AASDH: variants seen among roughly 807,000 people sequenced by gnomAD.
The protein encoded by AASDH is aminoadipate-semialdehyde dehydrogenase, also known as beta-alanine-activating enzyme.
Under a neutral mutation model 102.3 loss-of-function variants are expected in AASDH, and 81 were observed. That is an observed-to-expected ratio of 0.79 (90% confidence interval 0.66 to 0.95). The LOEUF is 0.95. AASDH is among the 40% of genes least tolerant of loss of function. The pLI, the probability that AASDH is intolerant of heterozygous loss-of-function variation, is 0.00. For synonymous variants in AASDH, 398 were observed against 454.0 expected, an observed-to-expected ratio of 0.88 and a Z score of 1.57; for missense variants, 1,203 against 1,266.2, an observed-to-expected ratio of 0.95 and a Z score of 0.76.
intron 1 of AASDH, among the ~76,000 whole-genome samples, chr4:56,385,090 T>C (rs1292549446): frequency 2.0e-5 from 3 of 152,002 alleles, no homozygotes; most frequent in Non-Finnish European, 4.4e-5. Flanking sequence ...AATAAGTAAA[T>C]GAAATAAAGA....
At chr4:56,384,703 T>C (rs1183880234) in intron 1 of AASDH, among the ~76,000 whole-genome samples, 2 of 127,298 alleles carry the variant, frequency 1.6e-5, no homozygotes, top group Non-Finnish European at 3.4e-5. Flanking sequence ...CCACACTTAA[T>C]TTTTTTTTAC....
At chr4:56,356,210 G>T (rs1749618115) in intron 5 of AASDH, 1 of 752,828 alleles carries the variant, frequency 1.3e-6, no homozygotes, top group Non-Finnish European at 2.4e-6. Context: ...GGACAAGAAA[G>T]TGGTGAATCC....
At chr4:56,365,928 G>A (rs1750938915) in intron 5 of AASDH, among the ~76,000 whole-genome samples, 1 of 152,128 alleles carries the variant, frequency 6.6e-6, no homozygotes, top group Admixed American at 6.5e-5. Flanking sequence ...AATGAATCCA[G>A]GAGCTGGTTT....
intron 3 of AASDH, chr4:56,381,996 G>A (rs1578082095): frequency 6.6e-6 from 1 of 152,142 alleles, no homozygotes; most frequent in African/African-American, 2.4e-5. Context: ...CAAAATGCAA[G>A]CTTAGTTATA....
chr4:56,358,159 A>G (rs1033471023), intron 5 of AASDH, among the ~76,000 whole-genome samples: 1 of 151,962 alleles, frequency 6.6e-6, no homozygotes, highest in African/African-American at 2.4e-5. Flanking sequence ...ACAAATATAT[A>G]TATAGAAATA....
chr4:56,355,306 C>T lies in AASDH; in HGVS notation c.979G>A (p.Val327Ile), dbSNP rs746388566. The change falls in exon 6 of 15, where the codon GTT (valine) becomes ATT (isoleucine). Residue 327 changes from valine to isoleucine, a missense_variant. Transcript: ENST00000205214. ...CCTTCTCCTCTCCAGCTTCTGAGAACTGTCAATGATGGAAACGCTTCACCA... is the reference window on the plus strand; with the variant it reads ...CCTTCTCCTCTCCAGCTTCTGAGAATTGTCAATGATGGAAACGCTTCACCA... The part of the protein sequence containing the change: ...LGGEAFPSLT[V>I]LRSWRGEGNK... 6.2e-7 allele frequency: 1 copy of T among 1,614,140 alleles called. No individual in the cohort carries two copies. Among genetic ancestry groups the T allele is most frequent in the Non-Finnish European group, 8.5e-7 (1 of 1,180,024 alleles).
intron 5 of AASDH, among the ~76,000 whole-genome samples, chr4:56,358,547 T>C (rs376255485): frequency 2.6e-5 from 4 of 151,444 alleles, no homozygotes; most frequent in African/African-American, 7.3e-5. Context: ...AGGAGCTTTT[T>C]AAAAAATCAT....
intron 5 of AASDH, 65 bp downstream of exon 5, chr4:56,371,386 A>C (rs1463796827): frequency 6.8e-7 from 1 of 1,471,724 alleles, no homozygotes; most frequent in African/African-American, 1.5e-5. Context: ...AATACAAAAT[A>C]TTCTCTAAAA....
intron 5 of AASDH, among the ~76,000 whole-genome samples, chr4:56,363,638 C>G (rs1578016496): frequency 6.6e-6 from 1 of 152,230 alleles, no homozygotes; most frequent in East Asian, 1.9e-4. Flanking sequence ...CCAGCAAACT[C>G]TAACAGACCT....
intron 4 of AASDH, among the ~76,000 whole-genome samples, chr4:56,371,880 A>G (rs1195545906): frequency 6.6e-6 from 1 of 152,232 alleles, no homozygotes; most frequent in African/African-American, 2.4e-5. Flanking sequence ...ATCATCTGTG[A>G]TGACTTTTGA....
At chr4:56,377,077 A>T (rs200498592) in intron 4 of AASDH, among the ~76,000 whole-genome samples, 1 of 111,968 alleles carries the variant, frequency 8.9e-6, no homozygotes, top group Non-Finnish European at 2.0e-5. Context: ...AAAAAAAAAA[A>T]AAAATAAATA....
At chr4:56,342,739 A>G (rs556432978) in intron 14 of AASDH, 96 bp downstream of exon 14, 1 of 442,606 alleles carries the variant, frequency 2.3e-6, no homozygotes, top group East Asian at 9.5e-5. Context: ...AAATATAAAT[A>G]GAACTATAGA....
In AASDH at chr4:56,349,954, A is replaced by T. The variant is rs1245765112; in HGVS notation, c.1797T>A (p.Ile599=). Residue 599 remains isoleucine, a synonymous_variant, in exon 11 of 15, where the codon ATT becomes ATA. Transcript: ENST00000205214. The part of the protein sequence containing the change: ...SLKSIRLLSE[I]EKLVGTSVPG... The stretch of plus-strand genomic sequence containing the variant: ...GTACTGATGTACCAACAAGTTTTTC[A>T]ATCTCACTGAGGAGCCGGATGGACT... The T allele has an allele frequency of 1.2e-6, 2 of 1,613,832 alleles. No homozygotes were observed. Among genetic ancestry groups the T allele is most frequent in the African/African-American group, 1.3e-5 (1 of 74,928 alleles).
intron 11 of AASDH, among the ~76,000 whole-genome samples, chr4:56,348,719 A>G (rs1421546840): frequency 6.6e-6 from 1 of 152,100 alleles, no homozygotes; most frequent in Non-Finnish European, 1.5e-5. Flanking sequence ...GCCTAGAGAG[A>G]GGCGTATGTG....
intron 5 of AASDH, among the ~76,000 whole-genome samples, chr4:56,369,089 A>G (rs1160346784): frequency 6.6e-6 from 1 of 152,180 alleles, no homozygotes; most frequent in Non-Finnish European, 1.5e-5. Context: ...GATAAATAAA[A>G]TCACCATGAA....
chr4:56,383,315 G>C (rs1229645812), intron 2 of AASDH, among the ~76,000 whole-genome samples: 1 of 152,068 alleles, frequency 6.6e-6, no homozygotes, highest in Admixed American at 6.5e-5. Context: ...ATGGGGTCTT[G>C]TGAAGTCACC....
chr4:56,359,019 A>G (rs764768208), intron 5 of AASDH, among the ~76,000 whole-genome samples: 2 of 152,098 alleles, frequency 1.3e-5, no homozygotes, highest in Non-Finnish European at 2.9e-5. Flanking sequence ...GTTACATCTT[A>G]TTGATATAAC....
At chr4:56,382,970 T>A (rs987212161) in intron 2 of AASDH, among the ~76,000 whole-genome samples, 1 of 152,140 alleles carries the variant, frequency 6.6e-6, no homozygotes, top group South Asian at 2.1e-4. Context: ...AGCAGGAGAA[T>A]TGCTTGAACC....
intron 14 of AASDH, among the ~76,000 whole-genome samples, chr4:56,340,977 T>G (rs889792066): frequency 6.6e-6 from 1 of 152,176 alleles, no homozygotes; most frequent in Non-Finnish European, 1.5e-5. Context: ...GATATCATCT[T>G]ACCAAGTTAA....
Sources: allele counts gnomAD v4.1 joint callset (sites outside exome capture counted in the v4.1 genomes callset), GRCh38; gene constraint gnomAD v4.1.1; transcripts MANE v1.5; gene names NCBI Gene and HGNC (gene_info 2026-07-23, HGNC 2026-07-21).